Variants in REPS2 observed in about 807,000 individuals in gnomAD.
REPS2 encodes ralBP1-associated Eps domain-containing protein 2.
A neutral mutation model predicts 53.6 loss-of-function variants in REPS2; 23 were observed. The ratio of observed to expected loss-of-function variants is 0.43; its 90% confidence interval spans 0.31 to 0.61. REPS2 has a LOEUF of 0.61. Among genes scored for constraint, REPS2 ranks in the 20% least tolerant of loss-of-function variants. The pLI is 0.11. For missense variants in REPS2, 446 were observed against 534.9 expected, an observed-to-expected ratio of 0.83 and a Z score of 1.64; for synonymous variants, 238 against 218.6, an observed-to-expected ratio of 1.09 and a Z score of -0.78.
chrX:17,101,203 G>A (rs1300706519), intron 13 of REPS2, among the ~76,000 whole-genome samples: 7 of 108,361 alleles, frequency 6.5e-5, no homozygotes, highest in Non-Finnish European at 1.3e-4. Context: ...ACAGGCGCCC[G>A]CCACCATGCC....
intron 9 of REPS2, among the ~76,000 whole-genome samples, chrX:17,067,871 G>A (rs1043979203): frequency 1.8e-5 from 2 of 111,752 alleles, no homozygotes; most frequent in South Asian, 3.7e-4. Flanking sequence ...TTTAATACAT[G>A]TGCCTTAATC....
intron 14 of REPS2, among the ~76,000 whole-genome samples, chrX:17,105,896 C>T: frequency 8.9e-6 from 1 of 111,822 alleles, no homozygotes; most frequent in Non-Finnish European, 1.9e-5. Flanking sequence ...GTATGGGACA[C>T]CTATATATTC....
chrX:17,083,582 T>C (rs1253206248), intron 13 of REPS2, among the ~76,000 whole-genome samples: 1 of 111,936 alleles, frequency 8.9e-6, no homozygotes, highest in Admixed American at 9.5e-5. Context: ...CTTTCCTCGG[T>C]TTTCTATAAA....
intron 7 of REPS2, among the ~76,000 whole-genome samples, chrX:17,054,248 T>C (rs1238210207): frequency 3.5e-5 from 4 of 112,797 alleles, no homozygotes; most frequent in Non-Finnish European, 7.5e-5. Context: ...TTATTGAGCT[T>C]ACTTGTGTTT....
At chrX:17,102,146 A>G (rs2062817218) in intron 13 of REPS2, among the ~76,000 whole-genome samples, 1 of 110,775 alleles carries the variant, frequency 9.0e-6, no homozygotes. Context: ...GCAGTGGCAC[A>G]ATCATGGCTC....
downstream of REPS2, among the ~76,000 whole-genome samples, chrX:17,154,123 C>T (rs185391526): frequency 1.4e-4 from 16 of 111,634 alleles, no homozygotes; most frequent in East Asian, 2.8e-4. Flanking sequence ...TGCTGATGTA[C>T]GCTAAAGCTG....
rs200986826 is a variant in REPS2 at position 17,050,194 on chromosome X, C to CTT, written c.908-2173_908-2172dup. Among the ~76,000 whole-genome samples, 18 of 51,798 alleles carry CTT rather than the reference C, an allele frequency of 3.5e-4. 1 individual carries two copies. In the East Asian group the frequency reaches 0.01, roughly 29 times the overall value. 45.0% of individuals were successfully genotyped at this position (51,798 alleles called of 115,157 possible). ...TCTTTCTTTCTTTCTTTCTTTCTTT[C>CTT]TTTTTTTTTTTTTTTTGACAGGGTC... On this transcript the variant is annotated intron_variant, in intron 6 of 17. Coordinates refer to ENST00000357277, the MANE Select transcript of REPS2 (RefSeq NM_004726.3).
intron 2 of REPS2, among the ~76,000 whole-genome samples, chrX:17,018,981 AT>A (rs1356357423): frequency 1.8e-5 from 2 of 109,178 alleles, no homozygotes; most frequent in Non-Finnish European, 3.8e-5. Flanking sequence ...TTTTATTTTT[AT>A]TTTTTTAAGA....
intron 7 of REPS2, 115 bp downstream of exon 7, chrX:17,052,560 C>A: frequency 2.0e-6 from 1 of 503,277 alleles, no homozygotes; most frequent in Non-Finnish European, 3.2e-6. Flanking sequence ...TAACAGACTA[C>A]AGGAGTGAAT....
downstream of REPS2, among the ~76,000 whole-genome samples, chrX:17,155,710 G>A (rs2063608322): frequency 8.9e-6 from 1 of 112,253 alleles, no homozygotes; most frequent in African/African-American, 3.2e-5. Flanking sequence ...GTAAACTAAT[G>A]TTTTAACGTG....
chrX:17,187,739 A>T, the REPS2 span, among the ~76,000 whole-genome samples: 1 of 112,190 alleles, frequency 8.9e-6, no homozygotes, highest in South Asian at 3.7e-4. Context: ...ACCACCTTTC[A>T]GCAGGGCTTC....
intron 1 of REPS2, among the ~76,000 whole-genome samples, chrX:16,951,470 C>T (rs2060504486): frequency 9.6e-6 from 1 of 104,318 alleles, no homozygotes; most frequent in African/African-American, 3.5e-5. Context: ...GAGTTCTAGA[C>T]TAGCCTGGGC....
At chrX:16,978,234 A>T (rs922918325) in intron 1 of REPS2, among the ~76,000 whole-genome samples, 4 of 112,118 alleles carry the variant, frequency 3.6e-5, no homozygotes, top group African/African-American at 9.7e-5. Flanking sequence ...CTTTGTGTGG[A>T]TGATGGGTTG....
In REPS2 at chrX:17,068,469, A is replaced by G. The variant is rs1191241515; in HGVS notation, c.1277A>G (p.Gln426Arg). 1 of 1,195,492 alleles carries G rather than the reference A, an allele frequency of 8.4e-7. No homozygotes were observed. The highest frequency in any genetic ancestry group is 1.8e-5 in the South Asian group (1 of 55,500). The change falls in exon 10 of 18, where the codon CAA (glutamine) becomes CGA (arginine). Residue 426 changes from glutamine (Q) to arginine (R), a missense_variant and splice_region_variant. By Grantham distance (43) the Gln-to-Arg change is conservative. Transcript: ENST00000357277. ...CAGGATGTAACTAGTGATGACAAACAAGGTAGGAGAAGAATGAGTTTTCTT... is the reference window on the plus strand; with the variant it reads ...CAGGATGTAACTAGTGATGACAAACGAGGTAGGAGAAGAATGAGTTTTCTT... ...PNQDVTSDDK[Q>R]ALKSTINEAL...
At chrX:17,164,518 A>G in the REPS2 span, among the ~76,000 whole-genome samples, 1 of 112,512 alleles carries the variant, frequency 8.9e-6, no homozygotes, top group Non-Finnish European at 1.9e-5. Context: ...TGATGATAAA[A>G]GAGTCAATTC....
At chrX:17,036,843 A>G (rs1478310233) in intron 5 of REPS2, among the ~76,000 whole-genome samples, 1 of 40,188 alleles carries the variant, frequency 2.5e-5, no homozygotes, top group Non-Finnish European at 4.2e-5. Flanking sequence ...AGAGGGAGAG[A>G]GTATAAGTGT....
chrX:17,127,660 C>G (rs748397820), intron 14 of REPS2, among the ~76,000 whole-genome samples: 5 of 111,446 alleles, frequency 4.5e-5, no homozygotes, highest in Non-Finnish European at 7.5e-5. Flanking sequence ...TCCCATTTTT[C>G]TCCTGACTCC....
chrX:17,102,415 A>G (rs992178750), intron 13 of REPS2, among the ~76,000 whole-genome samples: 1 of 111,959 alleles, frequency 8.9e-6, no homozygotes, highest in Non-Finnish European at 1.9e-5. Flanking sequence ...TGTTAATTTT[A>G]AAGGTCCAAT....
In REPS2 at chrX:17,133,970, C is replaced by T. The variant is rs957902207; in HGVS notation, c.1662+63C>T. ...GAGTCCCACCCCGGGCTTCTTATCT[C>T]TATTAGCTGATCTATTGTTTTAAGG... On this transcript the variant is annotated intron_variant, in intron 15 of 17. Transcript: ENST00000357277. 15 of 784,375 alleles carry T rather than the reference C, an allele frequency of 1.9e-5. No homozygotes were observed. In the African/African-American group the frequency reaches 2.9e-4, roughly 15 times the overall value. 64.6% of individuals were successfully genotyped at this position (784,375 alleles called of 1,213,427 possible).
Sources: gnomAD v4.1 joint callset for allele counts (sites outside exome capture counted in the v4.1 genomes callset) on GRCh38, gnomAD v4.1.1 for gene constraint, MANE v1.5 for transcripts, NCBI Gene and HGNC (gene_info 2026-07-23, HGNC 2026-07-21) for gene names.